Variants in GOSR1 observed in about 807,000 individuals in gnomAD.
GOSR1 encodes 28 kDa Golgi SNARE protein.
A neutral mutation model predicts 35.5 loss-of-function variants in GOSR1; 21 were observed. The observed-to-expected ratio is 0.59, with a 90% CI of 0.42 to 0.85. GOSR1 has a LOEUF of 0.85. Among genes scored for constraint, GOSR1 ranks in the 40% least tolerant of loss-of-function variants. The pLI is 0.00. For synonymous variants in GOSR1, 94 were observed against 106.6 expected, an observed-to-expected ratio of 0.88 and a Z score of 0.73; for missense variants, 285 against 309.6, an observed-to-expected ratio of 0.92 and a Z score of 0.60.
chr17:30,489,520 T>A (rs1422449517), intron 4 of GOSR1, among the ~76,000 whole-genome samples: 14 of 152,228 alleles, frequency 9.2e-5, no homozygotes, highest in Admixed American at 9.2e-4. Context: ...TTCTCCTCCA[T>A]GTTTATGTGT....
At chr17:30,478,131 C>A (rs1331346988) in intron 1 of GOSR1, 1 of 160,602 alleles carries the variant, frequency 6.2e-6, no homozygotes, top group African/African-American at 2.4e-5. Flanking sequence ...ACTTCTCCCA[C>A]CAAAAAAACC....
intron 2 of GOSR1, among the ~76,000 whole-genome samples, chr17:30,481,694 A>G (rs1374033963): frequency 6.6e-6 from 1 of 152,160 alleles, no homozygotes; most frequent in African/African-American, 2.4e-5. Context: ...TGCACTGTGT[A>G]TCCTTGTTAT....
intron 6 of GOSR1, among the ~76,000 whole-genome samples, chr17:30,504,026 CTT>C (rs535749512): frequency 5.8e-4 from 80 of 137,100 alleles, no homozygotes; most frequent in African/African-American, 8.0e-4. Flanking sequence ...TTTCATTTAA[CTT>C]TTTTTTTTTT....
intron 6 of GOSR1, among the ~76,000 whole-genome samples, chr17:30,508,345 TC>T (rs1379785869): frequency 2.0e-5 from 3 of 152,250 alleles, no homozygotes; most frequent in Non-Finnish European, 2.9e-5. Flanking sequence ...ATATTATACT[TC>T]CTAGATTTTG....
chr17:30,479,303 C>CGT (rs1914175820), intron 1 of GOSR1: 1 of 152,230 alleles, frequency 6.6e-6, no homozygotes, highest in Non-Finnish European at 1.5e-5. Flanking sequence ...TGAGAATACT[C>CGT]GTATCTGTGT....
intron 1 of GOSR1, among the ~76,000 whole-genome samples, chr17:30,480,624 A>G (rs970212955): frequency 6.6e-6 from 1 of 151,962 alleles, no homozygotes; most frequent in Non-Finnish European, 1.5e-5. Flanking sequence ...TGCATCTACC[A>G]TTACTATTTC....
chr17:30,502,205 G>T (rs1967235875), intron 6 of GOSR1, among the ~76,000 whole-genome samples: 1 of 152,204 alleles, frequency 6.6e-6, no homozygotes, highest in Non-Finnish European at 1.5e-5. Context: ...GATGGGAAAT[G>T]GAGGAAGAAT....
At chr17:30,522,166 A>G in intron 8 of GOSR1, 88 bp from the exon 9 acceptor site, 1 of 1,030,554 alleles carries the variant, frequency 9.7e-7, no homozygotes, top group Non-Finnish European at 1.4e-6. Flanking sequence ...CTGTTTCTAG[A>G]CACCACTGAT....
At chr17:30,502,749 G>T (rs1597785239) in intron 6 of GOSR1, among the ~76,000 whole-genome samples, 2 of 152,178 alleles carry the variant, frequency 1.3e-5, no homozygotes, top group African/African-American at 4.8e-5. Context: ...GGTTACAGCT[G>T]GTTTCCACTT....
chr17:30,506,406 G>T (rs1967405069), intron 6 of GOSR1, among the ~76,000 whole-genome samples: 1 of 152,238 alleles, frequency 6.6e-6, no homozygotes, highest in Non-Finnish European at 1.5e-5. Context: ...TAATGGTCTG[G>T]TTAGAAGATC....
At chr17:30,522,016 AC>A (rs1370462907) in intron 8 of GOSR1, among the ~76,000 whole-genome samples, 1 of 151,856 alleles carries the variant, frequency 6.6e-6, no homozygotes, top group Non-Finnish European at 1.5e-5. Flanking sequence ...TCTCTCTATT[AC>A]TATTCTTATT....
chr17:30,520,096 G>A, intron 8 of GOSR1, 75 bp downstream of exon 8: 2 of 917,988 alleles, frequency 2.2e-6, no homozygotes, highest in Admixed American at 1.8e-5. Context: ...TTTTATAGGG[G>A]GCAGGTTGCC....
intron 6 of GOSR1, among the ~76,000 whole-genome samples, chr17:30,498,949 C>A (rs1967100662): frequency 6.6e-6 from 1 of 152,154 alleles, no homozygotes; most frequent in Admixed American, 6.5e-5. Flanking sequence ...TAACCGCCAC[C>A]ACAGTAAGAC....
At chr17:30,480,693 G>C (rs1346057219) in intron 1 of GOSR1, among the ~76,000 whole-genome samples, 1 of 144,190 alleles carries the variant, frequency 6.9e-6, no homozygotes, top group Non-Finnish European at 1.5e-5. Context: ...GCAAGTCCTT[G>C]GTTTCCTTCT....
At chr17:30,480,818 T>G (rs2143591253) in intron 1 of GOSR1, 1 of 175,856 alleles carries the variant, frequency 5.7e-6, no homozygotes, top group South Asian at 1.3e-4. Flanking sequence ...GTTCAAGCGA[T>G]TCTCCTGCCT....
chr17:30,499,336 A>G (rs924073593), intron 6 of GOSR1, among the ~76,000 whole-genome samples: 6 of 135,228 alleles, frequency 4.4e-5, no homozygotes, highest in African/African-American at 1.7e-4. Context: ...ACATGTTCTC[A>G]TTCCTCTTTT....
intron 7 of GOSR1, among the ~76,000 whole-genome samples, chr17:30,516,196 C>T (rs762606946): frequency 6.6e-6 from 1 of 152,116 alleles, no homozygotes; most frequent in Non-Finnish European, 1.5e-5. Context: ...GTCAGCCGGG[C>T]GCGGTGGCTC....
At chr17:30,494,731 C>A (rs954509106) in intron 6 of GOSR1, among the ~76,000 whole-genome samples, 22 of 151,360 alleles carry the variant, frequency 1.5e-4, no homozygotes, top group African/African-American at 4.9e-4. Context: ...CCTCAGCCTC[C>A]TAGGTAGCTG....
chr17:30,518,815 TGCCTGTAGTCCCA>T (rs1967914867), intron 7 of GOSR1, among the ~76,000 whole-genome samples: 1 of 151,868 alleles, frequency 6.6e-6, no homozygotes. Flanking sequence ...TGATGGCACA[TGCCTGTAGTCCCA>T]GCTACTCAGG....
Sources: allele counts gnomAD v4.1 joint callset (sites outside exome capture counted in the v4.1 genomes callset), GRCh38; gene constraint gnomAD v4.1.1; transcripts MANE v1.5; gene names NCBI Gene and HGNC (gene_info 2026-07-23, HGNC 2026-07-21).